SLC36A3: variants seen among roughly 807,000 people sequenced by gnomAD.
The protein encoded by SLC36A3 is proton-coupled amino acid transporter 3.
In SLC36A3, 35 loss-of-function variants were observed where a neutral mutation model predicts 44.3. The ratio of observed to expected loss-of-function variants is 0.79; its 90% CI spans 0.60 to 1.05. The LOEUF is 1.05. Ranked by LOEUF, SLC36A3 falls within the 50% of genes least tolerant of loss-of-function variation. The pLI, the probability that SLC36A3 is intolerant of heterozygous loss-of-function variation, is 0.00. For missense variants in SLC36A3, 540 were observed against 578.7 expected, an observed-to-expected ratio of 0.93 and a Z score of 0.69; for synonymous variants, 211 against 227.6, an observed-to-expected ratio of 0.93 and a Z score of 0.66.
rs12520516 is a variant in SLC36A3, at chr5:151,287,401, G to A, written c.553C>T (p.Pro185Ser). Reference protein sequence around the residue: ...CQPREILTLTPILDIRFYMLI... With the variant: ...CQPREILTLTSILDIRFYMLI... ...ATGTAGAAACGAATGTCCAGGATGG[G>A]GGTCAGCGTCAGAATCTCCCTGGGC... Residue 185 changes from proline to serine, a missense_variant, in exon 6 of 10, where the codon CCC becomes TCC. Pro to Ser is a moderately conservative substitution (Grantham distance 74). Transcript: ENST00000335230. The A allele has an allele frequency of 0.1, 165,619 of 1,613,974 alleles. 9,212 individuals are homozygous for A. The highest frequency in any genetic ancestry group is 0.21 in the East Asian group (9,208 of 44,870).
chr5:151,299,225 G>GCTCTCTCTCT (rs61382152), intron 1 of SLC36A3, among the ~76,000 whole-genome samples: 149 of 92,356 alleles, frequency 1.6e-3, no homozygotes, highest in Non-Finnish European at 2.1e-3. Flanking sequence ...TTGCTTGTGC[G>GCTCTCTCTCT]CTCTCTCTCT....
At chr5:151,278,145 TATA>T (rs1226669606) in intron 9 of SLC36A3, among the ~76,000 whole-genome samples, 2 of 152,216 alleles carry the variant, frequency 1.3e-5, no homozygotes, top group Non-Finnish European at 2.9e-5. Flanking sequence ...GTAGTATCTA[TATA>T]ATATAGCCTT....
At position 151,303,418 on chromosome 5, in the gene SLC36A3, T is replaced by C; in HGVS notation, c.-64A>G. 1 of 1,521,806 alleles carries C rather than the reference T, an allele frequency of 6.6e-7. No homozygotes were observed. The highest frequency in any genetic ancestry group is 8.9e-7 in the Non-Finnish European group (1 of 1,125,658). The allele number at this position is 1,521,806 out of a possible 1,614,324, so 94.3% of individuals were successfully genotyped here. On this transcript the variant is annotated 5_prime_UTR_variant, in exon 1 of 10. Coordinates refer to ENST00000335230, the MANE Select transcript of SLC36A3 (RefSeq NM_181774.4). ...AGGCTCTGAATGAGCCTCTGATGGG[T>C]CTTTCTCCAGAGAAACCATGGCTGC... is the stretch of plus-strand genomic sequence containing the variant.
chr5:151,284,709 C>A lies in SLC36A3; in HGVS notation c.711G>T (p.Gly237=), dbSNP rs769107977. 1 of 1,610,086 alleles carries A rather than the reference C, an allele frequency of 6.2e-7. No homozygotes were observed. The change falls in exon 7 of 10, where the codon GGG becomes GGT. Residue 237 remains glycine (G), a splice_region_variant and synonymous_variant. Coordinates refer to ENST00000335230, the MANE Select transcript of SLC36A3 (RefSeq NM_181774.4). ...AGGGTAGGTTGCTGGGATATGGAAT[C>A]CCCTAAAAGAAAGTGGGAGAAGCAC... ...MALIFEYIME[G]IPYPSNLPLM...
intron 8 of SLC36A3, 70 bp downstream of exon 8, chr5:151,283,974 G>A (rs1307800961): frequency 2.0e-6 from 3 of 1,503,494 alleles, no homozygotes; most frequent in African/African-American, 2.8e-5. Context: ...GCTTTGCTGT[G>A]CTCTCTGCTA....
At chr5:151,298,033 A>C (rs1755019391) in intron 2 of SLC36A3, 2 of 152,276 alleles carry the variant, frequency 1.3e-5, no homozygotes, top group South Asian at 4.1e-4. Context: ...GGTAGATATA[A>C]ATGGTAGAAA....
chr5:151,287,619 A>G (rs1040699878), intron 5 of SLC36A3, among the ~76,000 whole-genome samples, 155 bp from the exon 6 acceptor site: 2 of 152,212 alleles, frequency 1.3e-5, no homozygotes, highest in African/African-American at 4.8e-5. Flanking sequence ...ATCACTACTT[A>G]TCTGAAATTC....
chr5:151,287,588 A>G (rs1754591499), intron 5 of SLC36A3, 124 bp from the exon 6 acceptor site: 2 of 858,090 alleles, frequency 2.3e-6, no homozygotes, highest in Admixed American at 2.5e-5. Context: ...ATTGCATAAG[A>G]CACGCTCATA....
In SLC36A3 at chr5:151,287,227, T is replaced by C; in HGVS notation, c.708+19A>G. On this transcript the variant is annotated intron_variant, in intron 6 of 9. Coordinates refer to ENST00000335230, the MANE Select transcript of SLC36A3 (RefSeq NM_181774.4). ...TCAGAGACCCAGGACCCTGATCCTT[T>C]CTTCCCTATGGCACAGACCTCCATG... 1 of 1,613,206 alleles carries C rather than the reference T, an allele frequency of 6.2e-7. No homozygotes were observed. Among genetic ancestry groups the C allele is most frequent in the Middle Eastern group, 1.6e-4 (1 of 6,062 alleles).
intron 9 of SLC36A3, among the ~76,000 whole-genome samples, chr5:151,278,213 A>G (rs1349215553): frequency 6.6e-6 from 1 of 152,218 alleles, no homozygotes; most frequent in Non-Finnish European, 1.5e-5. Flanking sequence ...TGCTGTCCGA[A>G]TATCAGCCAC....
intron 8 of SLC36A3, among the ~76,000 whole-genome samples, chr5:151,281,711 G>T (rs1363679384): frequency 2.6e-5 from 4 of 152,048 alleles, no homozygotes; most frequent in African/African-American, 9.7e-5. Flanking sequence ...CCAGCTACTC[G>T]GGAGGCTGAG....
chr5:151,299,264 C>CTCTCTCTATA (rs1372309288), intron 1 of SLC36A3, among the ~76,000 whole-genome samples: 84 of 59,640 alleles, frequency 1.4e-3, no homozygotes, highest in Middle Eastern at 0.01. Context: ...CTCTCTCTCT[C>CTCTCTCTATA]TATATATATA....
intron 1 of SLC36A3, among the ~76,000 whole-genome samples, chr5:151,301,457 G>A (rs948643161): frequency 6.6e-6 from 1 of 151,916 alleles, no homozygotes; most frequent in East Asian, 1.9e-4. Flanking sequence ...CACCCAGACC[G>A]GTCATCTGGC....
chr5:151,299,264 C>CTCTA lies in SLC36A3; in HGVS notation c.129-582_129-581insTAGA, dbSNP rs1372309288. Among the ~76,000 whole-genome samples, 136 of 59,646 alleles carry CTCTA rather than the reference C, an allele frequency of 2.3e-3. 1 individual carries two copies. Among genetic ancestry groups the CTCTA allele is most frequent in the East Asian group, 3.6e-3 (6 of 1,680 alleles). The allele number at this position is 59,646 out of a possible 152,430, so 39.1% of individuals were successfully genotyped here. On this transcript the variant is annotated intron_variant, in intron 1 of 9. Transcript: ENST00000335230. ...TCTCTCTCTCTCTCTCTCTCTCTCT[C>CTCTA]TATATATATATATATATATATATAT...
At chr5:151,279,100 T>A (rs1474773716) in intron 9 of SLC36A3, among the ~76,000 whole-genome samples, 1 of 151,812 alleles carries the variant, frequency 6.6e-6, no homozygotes, top group African/African-American at 2.4e-5. Context: ...CTGTGCACAG[T>A]CTGTTCCCTT....
intron 4 of SLC36A3, among the ~76,000 whole-genome samples, chr5:151,292,969 A>G (rs186939499): frequency 3.3e-5 from 5 of 152,176 alleles, no homozygotes; most frequent in Admixed American, 2.6e-4. Flanking sequence ...GAGCAACAAG[A>G]GTGAAACTCT....
At chr5:151,287,491 T>A (rs774796371) in intron 5 of SLC36A3, 27 bp from the exon 6 acceptor site, 1 of 1,607,384 alleles carries the variant, frequency 6.2e-7, no homozygotes, top group Non-Finnish European at 8.5e-7. Context: ...TGACAGGCAG[T>A]GTGGTTGCTA....
At chr5:151,281,913 C>T (rs1018679223) in intron 8 of SLC36A3, among the ~76,000 whole-genome samples, 1 of 152,082 alleles carries the variant, frequency 6.6e-6, no homozygotes, top group African/African-American at 2.4e-5. Context: ...ACCCTTGATT[C>T]CTAGCTTCTA....
At position 151,303,323 on chromosome 5, in the gene SLC36A3, T is replaced by C. The variant is rs1237431914; in HGVS notation, c.32A>G (p.Glu11Gly). Residue 11 changes from glutamate (E) to glycine (G), a missense_variant, in exon 1 of 10, where the codon GAG becomes GGG. Transcript: ENST00000335230. ...AGGTCCGTTGTCCAAGGAGTTCAGC[T>C]CACTGTTGTAGTCCCTTCCAAGCAA... Reference protein sequence around the residue: MSLLGRDYNSELNSLDNGPQS... With the variant: MSLLGRDYNSGLNSLDNGPQS... 1 of 1,613,950 alleles carries C rather than the reference T, an allele frequency of 6.2e-7. No individual in the cohort carries two copies. The highest frequency in any genetic ancestry group is 1.3e-5 in the African/African-American group (1 of 74,902).
Sources: allele counts gnomAD v4.1 joint callset (sites outside exome capture counted in the v4.1 genomes callset), GRCh38; gene constraint gnomAD v4.1.1; transcripts MANE v1.5; gene names NCBI Gene and HGNC (gene_info 2026-07-23, HGNC 2026-07-21).